The following APBA2 variants were observed in gnomAD, a reference collection of about 807,000 sequenced individuals.
The protein encoded by APBA2 is amyloid-beta A4 precursor protein-binding family A member 2.
APBA2 carries 30 observed loss-of-function variants against 75.0 expected under a neutral mutation model. The ratio of observed to expected loss-of-function variants is 0.40; its 90% CI spans 0.30 to 0.54. The LOEUF is 0.54. Among genes scored for constraint, APBA2 ranks in the 20% least tolerant of loss-of-function variants. APBA2 has a pLI of 0.49. For synonymous variants in APBA2, 444 were observed against 409.6 expected (o/e 1.08, Z -1.01); for missense variants, 801 against 1,016.1 (o/e 0.79, Z 2.88).
chr15:28,890,060 GTC>G (rs200746891), intron 1 of APBA2, among the ~76,000 whole-genome samples: 23,307 of 152,198 alleles, frequency 0.15, 1,807 homozygotes, highest in Middle Eastern at 0.21. Context: ...GGGAGCAGTA[GTC>G]TCCTTGCAGC....
chr15:28,911,107 A>C (rs1004728821), intron 1 of APBA2, among the ~76,000 whole-genome samples: 2 of 152,176 alleles, frequency 1.3e-5, no homozygotes, highest in African/African-American at 4.8e-5. Flanking sequence ...ATGTGATTTT[A>C]ATTTTGACTA....
At chr15:29,068,727 C>T (rs2152917038) in intron 4 of APBA2, among the ~76,000 whole-genome samples, 1 of 152,324 alleles carries the variant, frequency 6.6e-6, no homozygotes, top group East Asian at 1.9e-4. Context: ...GGGTGTCAGT[C>T]ACTGGAGGGT....
intron 2 of APBA2, among the ~76,000 whole-genome samples, chr15:28,931,929 G>T (rs1266031789): frequency 1.3e-5 from 2 of 152,310 alleles, no homozygotes; most frequent in African/African-American, 4.8e-5. Flanking sequence ...CTGCGTGTGA[G>T]CCTTGGCCTG....
intron 4 of APBA2, chr15:29,070,654 G>T (rs74972285): frequency 0.017 from 2,984 of 175,506 alleles, 80 homozygotes; most frequent in African/African-American, 0.067. Context: ...ATCCAAGGGC[G>T]TCTGAAAGAA....
intron 6 of APBA2, among the ~76,000 whole-genome samples, chr15:29,085,456 C>T (rs548824175): frequency 1.5e-3 from 221 of 144,268 alleles, no homozygotes; most frequent in Non-Finnish European, 2.7e-3. Flanking sequence ...ACCCGGGAGG[C>T]GGAGCTTGCA....
chr15:28,888,634 C>G (rs558843684), intron 1 of APBA2, among the ~76,000 whole-genome samples: 1 of 152,178 alleles, frequency 6.6e-6, no homozygotes. Context: ...CGGTGGGGAT[C>G]GAGACCCAGC....
intron 2 of APBA2, among the ~76,000 whole-genome samples, chr15:28,930,028 G>A (rs909420506): frequency 2.0e-5 from 3 of 152,130 alleles, no homozygotes; most frequent in Admixed American, 1.3e-4. Context: ...TGGCCCATTC[G>A]CATCTCTATA....
At chr15:29,088,803 G>C (rs2043413750) in intron 6 of APBA2, among the ~76,000 whole-genome samples, 2 of 152,124 alleles carry the variant, frequency 1.3e-5, no homozygotes, top group Admixed American at 1.3e-4. Flanking sequence ...CTCACATCTG[G>C]CCAGCGCTTC....
chr15:28,924,208 C>T (rs1016712990), intron 2 of APBA2, among the ~76,000 whole-genome samples: 2 of 152,100 alleles, frequency 1.3e-5, no homozygotes, highest in African/African-American at 2.4e-5. Context: ...GGAAAATGCC[C>T]AGTTTCTCAT....
chr15:29,071,098 G>C (rs1329135720), intron 4 of APBA2: 2 of 456,448 alleles, frequency 4.4e-6, no homozygotes, highest in Non-Finnish European at 8.8e-6. Flanking sequence ...GGCCTGAGCG[G>C]AGTGAGTGTG....
At chr15:29,014,660 A>G (rs2039565447) in intron 3 of APBA2, among the ~76,000 whole-genome samples, 2 of 150,752 alleles carry the variant, frequency 1.3e-5, no homozygotes, top group Non-Finnish European at 2.9e-5. Flanking sequence ...TTAGAATCAG[A>G]TCTGAGCTCA....
rs1186124272 is a variant in APBA2 at position 29,054,719 on chromosome 15, G to A, written c.835G>A (p.Ala279Thr). 1 of 1,613,384 alleles carries A rather than the reference G, an allele frequency of 6.2e-7. No individual in the cohort carries two copies. Among genetic ancestry groups the A allele is most frequent in the Admixed American group, 1.7e-5 (1 of 60,012 alleles). Reference sequence around the variant, plus strand: ...CAGCTGCAGCCCCAGCAGGCACGAGGCGAGGCCCAAGTCGCTGAACCTCCT... The same window carrying A: ...CAGCTGCAGCCCCAGCAGGCACGAGACGAGGCCCAAGTCGCTGAACCTCCT... ...KASCSPSRHE[A>T]RPKSLNLLPE... The change falls in exon 4 of 15, where the codon GCG (alanine) becomes ACG (threonine). Residue 279 changes from alanine to threonine, a missense_variant. Ala to Thr is a moderately conservative substitution (Grantham distance 58). Transcript: ENST00000683413. This position sits in a 1 kb window ranked among gnomAD's most constrained non-coding sequence, Gnocchi z 6.1.
At chr15:28,957,719 C>A (rs566403155) in intron 2 of APBA2, among the ~76,000 whole-genome samples, 247 of 152,248 alleles carry the variant, frequency 1.6e-3, no homozygotes, top group Non-Finnish European at 8.5e-4. Flanking sequence ...TGGGGAGGCG[C>A]GTGCCGAGGG....
chr15:29,063,015 G>A (rs111963991), intron 4 of APBA2, among the ~76,000 whole-genome samples: 1 of 109,278 alleles, frequency 9.2e-6, no homozygotes, highest in African/African-American at 3.4e-5. Flanking sequence ...CTGTATGGGT[G>A]GGGAGGGGAG....
intron 2 of APBA2, among the ~76,000 whole-genome samples, chr15:28,929,366 C>T (rs1299356747): frequency 6.6e-6 from 1 of 152,202 alleles, no homozygotes; most frequent in Non-Finnish European, 1.5e-5. Context: ...CGTAGGATTT[C>T]TCGTGCCTTG....
At chr15:29,039,923 C>T (rs188136036) in intron 3 of APBA2, among the ~76,000 whole-genome samples, 14 of 152,256 alleles carry the variant, frequency 9.2e-5, no homozygotes, top group Admixed American at 5.2e-4. Flanking sequence ...AGCTTGAATG[C>T]GCAGCACATT....
rs56168100 is a variant in APBA2, at chr15:29,114,892, GGTGTGT to G, written c.2178+880_2178+885del. Among the ~76,000 whole-genome samples, 661 of 148,850 alleles carry G rather than the reference GGTGTGT, an allele frequency of 4.4e-3. 1 individual carries two copies. Among genetic ancestry groups the G allele is most frequent in the African/African-American group, 0.016 (628 of 39,502 alleles). Reference sequence around the variant, plus strand: ...GTGTGTGCAGGGGTGTGTGGCTGTGGGTGTGTGTGAGCATGGGGTGTCAAGCATGAG... The same window carrying G: ...GTGTGTGCAGGGGTGTGTGGCTGTGGGTGAGCATGGGGTGTCAAGCATGAG... On this transcript the variant is annotated intron_variant, in intron 14 of 14. Transcript: ENST00000683413.
intron 2 of APBA2, among the ~76,000 whole-genome samples, chr15:28,976,590 A>G (rs1234583163): frequency 1.3e-5 from 2 of 152,194 alleles, no homozygotes; most frequent in African/African-American, 2.4e-5. Context: ...ATCAATTGAG[A>G]TGATCTGTTA....
At chr15:29,057,244 C>T (rs915589730) in intron 4 of APBA2, among the ~76,000 whole-genome samples, 1 of 152,174 alleles carries the variant, frequency 6.6e-6, no homozygotes, top group African/African-American at 2.4e-5. Context: ...TGGGGAGCCC[C>T]GCCCCCACAT....
Sources: gnomAD v4.1 joint callset for allele counts (sites outside exome capture counted in the v4.1 genomes callset) on GRCh38, gnomAD v4.1.1 for gene constraint, Gnocchi (gnomAD v3.1) non-coding constraint, MANE v1.5 for transcripts, NCBI Gene and HGNC (gene_info 2026-07-23, HGNC 2026-07-21) for gene names.